FER1L6: variants seen among roughly 807,000 people sequenced by gnomAD.
The protein encoded by FER1L6 is fer-1 like family member 6, also known as fer-1-like protein 6.
FER1L6 carries 177 observed loss-of-function variants against 219.2 expected under a neutral mutation model. The observed-to-expected ratio is 0.81, with a 90% CI of 0.71 to 0.91. The LOEUF is 0.91. Ranked by LOEUF, FER1L6 falls within the 40% of genes least tolerant of loss-of-function variation. The probability of loss-of-function intolerance (pLI) is 0.00; values close to 1 mark genes in which losing one functional copy is unlikely to be tolerated. For synonymous variants in FER1L6, 768 were observed against 824.3 expected, an observed-to-expected ratio of 0.93 and a Z score of 1.17; for missense variants, 2,153 against 2,259.9, an observed-to-expected ratio of 0.95 and a Z score of 0.96.
At chr8:123,860,801 G>A (rs1816732462) in intron 1 of FER1L6, among the ~76,000 whole-genome samples, 1 of 136,908 alleles carries the variant, frequency 7.3e-6, no homozygotes, top group Non-Finnish European at 1.5e-5. Flanking sequence ...GTCTGTTCAT[G>A]TCCCTTGCCC....
intron 32 of FER1L6, among the ~76,000 whole-genome samples, chr8:124,077,491 AG>A (rs1285248317): frequency 6.6e-6 from 1 of 152,198 alleles, no homozygotes; most frequent in African/African-American, 2.4e-5. Context: ...TGAGGAAATG[AG>A]GGCAATAAAT....
chr8:123,931,171 A>C (rs554328993), intron 1 of FER1L6, among the ~76,000 whole-genome samples: 5 of 152,170 alleles, frequency 3.3e-5, no homozygotes, highest in Non-Finnish European at 5.9e-5. Context: ...TCTCATGGGG[A>C]AAATGATATG....
intron 2 of FER1L6, among the ~76,000 whole-genome samples, 187 bp downstream of exon 2, chr8:123,956,261 TG>T (rs999794660): frequency 2.0e-5 from 3 of 152,254 alleles, no homozygotes; most frequent in Non-Finnish European, 4.4e-5. Context: ...CTTGGTCATC[TG>T]GGCCAAACAG....
chr8:124,104,590 G>C (rs1822686953), intron 39 of FER1L6, among the ~76,000 whole-genome samples: 1 of 152,206 alleles, frequency 6.6e-6, no homozygotes, highest in African/African-American at 2.4e-5. Flanking sequence ...GCTCCTGGTA[G>C]AAGGCTAACA....
chr8:123,908,760 A>C lies in FER1L6; in HGVS notation c.-7-47232A>C, dbSNP rs138429608. Reference sequence around the variant, plus strand: ...AGAGGCAACAATGAACAAGTTTAGGAGGACAGAGAGGGAAGAGATTAATTT... The same window carrying C: ...AGAGGCAACAATGAACAAGTTTAGGCGGACAGAGAGGGAAGAGATTAATTT... On this transcript the variant is annotated intron_variant, in intron 1 of 40. Coordinates refer to ENST00000522917, the MANE Select transcript of FER1L6 (RefSeq NM_001039112.2). Among the ~76,000 whole-genome samples the C allele has an allele frequency of 4.7e-3, 714 of 152,300 alleles. 1 individual carries two copies. The highest frequency in any genetic ancestry group is 0.017 in the Middle Eastern group (5 of 294).
At chr8:124,116,632 C>T (rs1287419072) in intron 39 of FER1L6, among the ~76,000 whole-genome samples, 1 of 152,250 alleles carries the variant, frequency 6.6e-6, no homozygotes, top group African/African-American at 2.4e-5. Context: ...AATCCTCTTA[C>T]TGTGGCCCTA....
In FER1L6 at chr8:124,023,434, A is replaced by G; in HGVS notation, c.2134-10A>G. ...TTCCTATTCAATCCCAACTCCCTCT[A>G]TTCCCACAGCCCCAGCACACTATCC... On this transcript the variant is annotated splice_polypyrimidine_tract_variant and intron_variant, in intron 17 of 40. Coordinates refer to ENST00000522917, the MANE Select transcript of FER1L6 (RefSeq NM_001039112.2). 2 of 1,605,278 alleles carry G rather than the reference A, an allele frequency of 1.2e-6. No homozygotes were observed. Among genetic ancestry groups the G allele is most frequent in the South Asian group, 1.1e-5 (1 of 90,866 alleles).
intron 31 of FER1L6, among the ~76,000 whole-genome samples, chr8:124,073,833 T>A (rs1456717721): frequency 6.6e-6 from 1 of 152,162 alleles, no homozygotes; most frequent in Non-Finnish European, 1.5e-5. Context: ...ACGGATAAAT[T>A]AACAGGATTT....
At chr8:124,041,125 A>C (rs1188899249) in intron 20 of FER1L6, among the ~76,000 whole-genome samples, 1 of 152,176 alleles carries the variant, frequency 6.6e-6, no homozygotes, top group Non-Finnish European at 1.5e-5. Context: ...AGGAAAACTC[A>C]GTAAAGAATT....
intron 28 of FER1L6, among the ~76,000 whole-genome samples, chr8:124,068,615 T>C (rs1820926204): frequency 6.6e-6 from 1 of 152,220 alleles, no homozygotes; most frequent in South Asian, 2.1e-4. Context: ...ATTCCCTTAA[T>C]GGATCTGACA....
chr8:124,030,720 A>G (rs1818922018), intron 18 of FER1L6, among the ~76,000 whole-genome samples: 1 of 152,148 alleles, frequency 6.6e-6, no homozygotes, highest in Non-Finnish European at 1.5e-5. Flanking sequence ...CCTAGGATGC[A>G]GCAGGAAGTG....
At chr8:123,939,511 T>C (rs988278847) in intron 1 of FER1L6, among the ~76,000 whole-genome samples, 3 of 152,132 alleles carry the variant, frequency 2.0e-5, no homozygotes, top group African/African-American at 7.2e-5. Context: ...GAAGGGTCTT[T>C]AGGCTTTGTG....
At chr8:124,071,401 T>G in intron 30 of FER1L6, 105 bp from the exon 31 acceptor site, 1 of 1,477,756 alleles carries the variant, frequency 6.8e-7, no homozygotes, top group Non-Finnish European at 9.3e-7. Context: ...AACCAGGTCC[T>G]GCAAATTCCC....
intron 39 of FER1L6, among the ~76,000 whole-genome samples, chr8:124,104,279 G>A (rs1238943952): frequency 6.6e-6 from 1 of 152,178 alleles, no homozygotes; most frequent in Non-Finnish European, 1.5e-5. Context: ...TTGGTTATGG[G>A]CAATCAATAT....
At chr8:124,009,269 A>T (rs1817803572) in intron 13 of FER1L6, among the ~76,000 whole-genome samples, 1 of 152,188 alleles carries the variant, frequency 6.6e-6, no homozygotes, top group Admixed American at 6.5e-5. Context: ...TTAAAAACAA[A>T]TTAAGTACTT....
At chr8:123,915,905 A>C (rs1388402156) in intron 1 of FER1L6, among the ~76,000 whole-genome samples, 1 of 152,212 alleles carries the variant, frequency 6.6e-6, no homozygotes, top group Non-Finnish European at 1.5e-5. Context: ...GCGTGAGTAA[A>C]GACAGGCAAG....
intron 2 of FER1L6, among the ~76,000 whole-genome samples, chr8:123,961,439 T>C (rs951247): frequency 0.34 from 51,007 of 152,074 alleles, 9,114 homozygotes; most frequent in Non-Finnish European, 0.41. Context: ...ACTTGAAACA[T>C]GTCTTTTGTT....
At chr8:124,097,992 T>A in intron 37 of FER1L6, 109 bp downstream of exon 37, 1 of 574,424 alleles carries the variant, frequency 1.7e-6, no homozygotes, top group Non-Finnish European at 3.1e-6. Flanking sequence ...GCCCACAAAG[T>A]GAGCCATCTT....
At chr8:124,097,616 T>TC (rs1181133722) in intron 36 of FER1L6, among the ~76,000 whole-genome samples, 169 bp from the exon 37 acceptor site, 4 of 152,134 alleles carry the variant, frequency 2.6e-5, no homozygotes, top group African/African-American at 9.7e-5. Flanking sequence ...TTCTAAGGTC[T>TC]CCAGCTAGGA....
Sources: allele counts gnomAD v4.1 joint callset (sites outside exome capture counted in the v4.1 genomes callset), GRCh38; gene constraint gnomAD v4.1.1; transcripts MANE v1.5; gene names NCBI Gene and HGNC (gene_info 2026-07-23, HGNC 2026-07-21).